The following DCAKD variants were observed in gnomAD, a reference collection of about 807,000 sequenced individuals.
DCAKD encodes the protein dephospho-CoA kinase domain-containing protein.
Under a neutral mutation model 18.7 loss-of-function variants are expected in DCAKD, and 15 were observed. The observed-to-expected ratio is 0.80, with a 90% CI of 0.54 to 1.24. DCAKD has a LOEUF of 1.24. Among genes scored for constraint, DCAKD ranks in the 50% most tolerant of loss-of-function variants. The pLI is 0.00. For synonymous variants in DCAKD, 130 were observed against 133.0 expected (o/e 0.98, Z 0.16); for missense variants, 301 against 322.0 (o/e 0.93, Z 0.50).
At chr17:45,038,909 G>A (rs1312261057) in intron 1 of DCAKD, among the ~76,000 whole-genome samples, 1 of 152,212 alleles carries the variant, frequency 6.6e-6, no homozygotes, top group Non-Finnish European at 1.5e-5. Flanking sequence ...ACCATCCACT[G>A]AGCATCTCTG....
At chr17:45,039,099 C>G (rs1042242824) in intron 1 of DCAKD, among the ~76,000 whole-genome samples, 2 of 152,190 alleles carry the variant, frequency 1.3e-5, no homozygotes, top group African/African-American at 4.8e-5. Context: ...TGAGTGCCTT[C>G]CCACTCACTT....
upstream of DCAKD, among the ~76,000 whole-genome samples, chr17:45,053,169 TAAA>T (rs760029893): frequency 1.5e-4 from 11 of 75,742 alleles, no homozygotes; most frequent in South Asian, 3.7e-3. Context: ...TGTCTCCAGT[TAAA>T]AAAAAAAAAA....
chr17:45,034,169 C>A lies in DCAKD; in HGVS notation c.316+18G>T. On this transcript the variant is annotated intron_variant, in intron 3 of 4. Transcript: ENST00000651974. ...CTGGAAGGAGGCCCCGCCCCCCGCC[C>A]CAGGCCCTGGCACTTACCCCGGAGG... is the stretch of plus-strand genomic sequence containing the variant. 2 of 1,540,400 alleles carry A rather than the reference C, an allele frequency of 1.3e-6. No individual in the cohort carries two copies. Among genetic ancestry groups the A allele is most frequent in the South Asian group, 2.2e-5 (2 of 89,060 alleles).
chr17:45,048,232 AT>A (rs1345855277), intron 1 of DCAKD, among the ~76,000 whole-genome samples: 1 of 151,548 alleles, frequency 6.6e-6, no homozygotes, highest in East Asian at 1.9e-4. Flanking sequence ...CTACAAAAAA[AT>A]GGAAAAAAAA....
chr17:45,034,260 C>G lies in DCAKD; in HGVS notation c.243G>C (p.Gln81His). 1 of 1,614,204 alleles carries G rather than the reference C, an allele frequency of 6.2e-7. No individual in the cohort carries two copies. Among genetic ancestry groups the G allele is most frequent in the Non-Finnish European group, 8.5e-7 (1 of 1,180,034 alleles). Residue 81 changes from glutamine to histidine, a missense_variant, in exon 3 of 5, where the codon CAG (glutamine) becomes CAC (histidine). Physicochemically the swap from Gln to His is conservative, Grantham distance 24. Transcript: ENST00000651974. ...CGGGGTGGGTGATGGCGTTGAGCAG[C>G]TGCCGCCGGTCAGGCTGGTTAAAGA... Reference protein sequence around the residue: ...DLIFNQPDRRQLLNAITHPEI... With the variant: ...DLIFNQPDRRHLLNAITHPEI...
chr17:45,052,837 T>G (rs1452407032), upstream of DCAKD, among the ~76,000 whole-genome samples: 1 of 151,504 alleles, frequency 6.6e-6, no homozygotes, highest in African/African-American at 2.4e-5. Flanking sequence ...CACTCCAGCC[T>G]GGGCAACAAA....
At chr17:45,027,681 C>T (rs1388532943) in intron 4 of DCAKD, among the ~76,000 whole-genome samples, 1 of 151,972 alleles carries the variant, frequency 6.6e-6, no homozygotes, top group African/African-American at 2.4e-5. Flanking sequence ...GCAAACAGAC[C>T]AACCTCAAAG....
At chr17:45,054,876 C>T (rs574596356), upstream of DCAKD, among the ~76,000 whole-genome samples, 4 of 152,272 alleles carry the variant, frequency 2.6e-5, no homozygotes, top group East Asian at 3.9e-4. Context: ...GTTAGGAAAC[C>T]GTCCAGATGA....
At position 45,031,870 on chromosome 17, in the gene DCAKD, T is replaced by G. The variant is rs2053176184; in HGVS notation, c.317-1691A>C. 4.1e-6 allele frequency: 4 copies of G among 985,324 alleles called. No homozygotes were observed. In the South Asian group the frequency reaches 1.9e-4, roughly 46 times the overall value. 61.0% of individuals were successfully genotyped at this position (985,324 alleles called of 1,614,324 possible). A position where few individuals can be genotyped will look rare whatever the true frequency, so the allele number is the denominator to read the frequency against. ...TTATCTGACGTTTGATTATACCAAC[T>G]TTGACAGTTGTATTTGTTATACTCA... is the stretch of plus-strand genomic sequence containing the variant. On this transcript the variant is annotated intron_variant, in intron 3 of 4. Transcript: ENST00000651974.
At chr17:45,038,300 A>G (rs2053351275) in intron 1 of DCAKD, among the ~76,000 whole-genome samples, 1 of 152,042 alleles carries the variant, frequency 6.6e-6, no homozygotes, top group African/African-American at 2.4e-5. Context: ...GCTGGCTCAA[A>G]CTCCTGACCT....
chr17:45,060,220 T>G (rs2053834256), intron 1 of DCAKD, among the ~76,000 whole-genome samples: 1 of 152,068 alleles, frequency 6.6e-6, no homozygotes, highest in African/African-American at 2.4e-5. Flanking sequence ...GTCTGGCACT[T>G]ATTAAAGAAA....
At chr17:45,058,532 G>A (rs1209339962) in intron 1 of DCAKD, among the ~76,000 whole-genome samples, 3 of 151,820 alleles carry the variant, frequency 2.0e-5, no homozygotes, top group African/African-American at 7.3e-5. Flanking sequence ...AGATTCTCGC[G>A]TCTCAGCCTC....
chr17:45,043,871 A>G (rs2053498790), intron 1 of DCAKD, among the ~76,000 whole-genome samples: 1 of 151,318 alleles, frequency 6.6e-6, no homozygotes. Flanking sequence ...GGCCTCTCTC[A>G]CACCCTCCAT....
At chr17:45,043,210 C>T (rs1392530252) in intron 1 of DCAKD, among the ~76,000 whole-genome samples, 1 of 151,112 alleles carries the variant, frequency 6.6e-6, no homozygotes, top group African/African-American at 2.4e-5. Context: ...GAGCTGAGAT[C>T]GCGCCACTGC....
chr17:45,031,359 T>C, intron 3 of DCAKD: 2 of 985,004 alleles, frequency 2.0e-6, no homozygotes, highest in Non-Finnish European at 2.4e-6. Flanking sequence ...CACACCTTGG[T>C]TGGTAGCCCC....
At position 45,034,343 on chromosome 17, in the gene DCAKD, C is replaced by T. The variant is rs145138207; in HGVS notation, c.160G>A (p.Gly54Ser). The change falls in exon 3 of 5, where the codon GGC (glycine) becomes AGC (serine). Residue 54 changes from glycine (G) to serine (S), a missense_variant. Physicochemically the swap from Gly to Ser is moderately conservative, Grantham distance 56. Transcript: ENST00000651974. ...PAHRRIVEVF[G>S]TEVLLENGDI... ...CCGTTCTCCAGCAAGACCTCAGTGC[C>T]GAAGACCTCTACGATGCGCCGGTGG... is the stretch of plus-strand genomic sequence containing the variant. 3.2e-5 allele frequency: 52 copies of T among 1,613,926 alleles called. No homozygotes were observed. Among genetic ancestry groups the T allele is most frequent in the African/African-American group, 2.4e-4 (18 of 74,950 alleles).
Position 45,030,191 on chromosome 17 carries a change from T to A in DCAKD, c.317-12A>T. The stretch of plus-strand genomic sequence containing the variant: ...CACGTAGCGGTATCCTGGGGAGAGG[T>A]TGGAAATCCCCCAAGTTCAATTCTG... On this transcript the variant is annotated splice_polypyrimidine_tract_variant and intron_variant, in intron 3 of 4. Transcript: ENST00000651974. 1 of 1,612,284 alleles carries A rather than the reference T, an allele frequency of 6.2e-7. No homozygotes were observed. The highest frequency in any genetic ancestry group is 8.5e-7 in the Non-Finnish European group (1 of 1,178,666).
chr17:45,052,187 T>C (rs2053722395), upstream of DCAKD, among the ~76,000 whole-genome samples: 1 of 151,840 alleles, frequency 6.6e-6, no homozygotes, highest in African/African-American at 2.4e-5. Flanking sequence ...CCCGGAGCCA[T>C]AAATTTTCCT....
chr17:45,024,086 G>C lies in DCAKD; in HGVS notation c.*347C>G, dbSNP rs2052997627. 4.2e-6 allele frequency: 1 copy of C among 235,480 alleles called. No homozygotes were observed. The highest frequency in any genetic ancestry group is 8.4e-6 in the Non-Finnish European group (1 of 118,542). 14.6% of individuals were successfully genotyped at this position (235,480 alleles called of 1,614,324 possible). A position where few individuals can be genotyped will look rare whatever the true frequency, so the allele number is the denominator to read the frequency against. On this transcript the variant is annotated 3_prime_UTR_variant, in exon 5 of 5. Coordinates refer to ENST00000651974, the MANE Select transcript of DCAKD (RefSeq NM_001288655.2). The stretch of plus-strand genomic sequence containing the variant: ...CCTCCCAGCTCTGAGGAGGGCCACA[G>C]AGCCAGTATTCCCTACCCCCACCCA...
Sources: gnomAD v4.1 joint callset for allele counts (sites outside exome capture counted in the v4.1 genomes callset) on GRCh38, gnomAD v4.1.1 for gene constraint, MANE v1.5 for transcripts, NCBI Gene and HGNC (gene_info 2026-07-23, HGNC 2026-07-21) for gene names.